Variants in MPP2 observed in about 807,000 individuals in gnomAD.
MPP2 encodes MAGUK p55 scaffold protein 2.
In MPP2, 42 loss-of-function variants were observed where a neutral mutation model predicts 58.5. That is an observed-to-expected ratio of 0.72 (90% CI 0.56 to 0.93). The LOEUF is 0.93. Among genes scored for constraint, MPP2 ranks in the 40% least tolerant of loss-of-function variants. The pLI is 0.00. For synonymous variants in MPP2, 300 were observed against 307.8 expected, an observed-to-expected ratio of 0.97 and a Z score of 0.26; for missense variants, 632 against 760.4, an observed-to-expected ratio of 0.83 and a Z score of 1.99.
At position 43,896,381 on chromosome 17, in the gene MPP2, T is replaced by C. The variant is rs12601402; in HGVS notation, c.150+1881A>G. 1.8e-4 allele frequency among the ~76,000 whole-genome samples: 27 copies of C among 152,198 alleles called. No homozygotes were observed. The East Asian group carries it at 4.8e-3, about 27-fold the overall frequency. On this transcript the variant is annotated intron_variant, in intron 3 of 12. Transcript: ENST00000269095. ...CCACCCTACATTATCATGGCATCCC[T>C]AGAACTGTCCTCCTTGGAAAACTTT...
chr17:43,904,558 G>C, intron 1 of MPP2, 65 bp from the exon 2 acceptor site: 1 of 1,441,204 alleles, frequency 6.9e-7, no homozygotes, highest in Non-Finnish European at 9.7e-7. Flanking sequence ...GGAATAGGAA[G>C]AGCCTCCCCT....
chr17:43,900,479 T>C (rs1308883903), intron 2 of MPP2: 19 of 1,524,370 alleles, frequency 1.2e-5, no homozygotes, highest in Non-Finnish European at 1.6e-5. Context: ...ACCTTCCCTC[T>C]GGAGCTCCGC....
At chr17:43,909,259 T>G (rs1278671109), upstream of MPP2, among the ~76,000 whole-genome samples, 2 of 151,986 alleles carry the variant, frequency 1.3e-5, no homozygotes, top group Non-Finnish European at 1.5e-5. Context: ...AGAGACAGGG[T>G]TTCTCCATGT....
chr17:43,878,979 G>A (rs1008544746), intron 12 of MPP2, among the ~76,000 whole-genome samples: 4 of 152,164 alleles, frequency 2.6e-5, no homozygotes, highest in African/African-American at 9.7e-5. Context: ...TTGCCCTCGG[G>A]AACTCTCTCT....
At chr17:43,889,805 G>GTTTTTTTTTTTT (rs869131021) in intron 3 of MPP2, among the ~76,000 whole-genome samples, 8 of 37,920 alleles carry the variant, frequency 2.1e-4, no homozygotes, top group African/African-American at 4.1e-4. Context: ...GTCCAAATGC[G>GTTTTTTTTTTTT]TTTTTTTTTT....
chr17:43,902,291 C>T (rs73304625), intron 2 of MPP2, among the ~76,000 whole-genome samples: 2,109 of 152,282 alleles, frequency 0.014, 56 homozygotes, highest in African/African-American at 0.048. Context: ...CATCCTCCCC[C>T]ACCACGCCCC....
At chr17:43,897,337 T>G (rs1179579729) in intron 3 of MPP2, among the ~76,000 whole-genome samples, 1 of 151,974 alleles carries the variant, frequency 6.6e-6, no homozygotes, top group Non-Finnish European at 1.5e-5. Context: ...CAAAATTAGC[T>G]GGGCGTGGTG....
At chr17:43,893,577 G>A (rs903858587) in intron 3 of MPP2, among the ~76,000 whole-genome samples, 1 of 152,202 alleles carries the variant, frequency 6.6e-6, no homozygotes, top group Non-Finnish European at 1.5e-5. Flanking sequence ...AACAGCAGGA[G>A]GTGAGCAAGC....
intron 3 of MPP2, among the ~76,000 whole-genome samples, chr17:43,887,553 T>C (rs1340125482): frequency 6.6e-6 from 1 of 152,140 alleles, no homozygotes; most frequent in Non-Finnish European, 1.5e-5. Flanking sequence ...TAGAGATCTC[T>C]GATCCGCTTG....
rs1041409879 is a variant in MPP2, at chr17:43,875,786, G to C, written c.*2021C>G. 6.6e-6 allele frequency: 1 copy of C among 152,220 alleles called. No homozygotes were observed. The highest frequency in any genetic ancestry group is 1.5e-5 in the Non-Finnish European group (1 of 68,048). The allele number at this position is 152,220 out of a possible 1,614,324, so 9.4% of individuals were successfully genotyped here. ...AGCAGTGAAGGTGCCATGAAGGCCA[G>C]GTACCCAACCCATCTCCATCAGAGA... On this transcript the variant is annotated 3_prime_UTR_variant, in exon 13 of 13. Coordinates refer to ENST00000269095, the MANE Select transcript of MPP2 (RefSeq NM_005374.5).
rs921921865 is a variant in MPP2, at chr17:43,907,479, C to T, written c.-39G>A. ...GGGGGCCGGGGGACGCCTACCTGCG[C>T]CCCGGGAAGCCCCTAGCTCCGGGCG... On this transcript the variant is annotated 5_prime_UTR_variant, in exon 1 of 13. Coordinates refer to ENST00000269095, the MANE Select transcript of MPP2 (RefSeq NM_005374.5). 1 of 985,542 alleles carries T rather than the reference C, an allele frequency of 1.0e-6. No individual in the cohort carries two copies. Among genetic ancestry groups the T allele is most frequent in the African/African-American group, 1.7e-5 (1 of 57,376 alleles). The allele number at this position is 985,542 out of a possible 1,614,324, so 61.0% of individuals were successfully genotyped here. A position where few individuals can be genotyped will look rare whatever the true frequency, so the allele number is the denominator to read the frequency against.
chr17:43,907,762 C>T (rs1326415229), upstream of MPP2: 1 of 985,420 alleles, frequency 1.0e-6, no homozygotes, highest in East Asian at 1.1e-4. Context: ...GGAGGCAGGA[C>T]TGGTACCAGT....
intron 6 of MPP2, among the ~76,000 whole-genome samples, chr17:43,881,825 G>A (rs2047138287): frequency 6.6e-6 from 1 of 152,138 alleles, no homozygotes; most frequent in African/African-American, 2.4e-5. Context: ...GTAGGGCACA[G>A]GACCCTGGCA....
chr17:43,882,242 G>C, intron 6 of MPP2, 42 bp downstream of exon 6: 2 of 1,549,050 alleles, frequency 1.3e-6, no homozygotes, highest in South Asian at 2.3e-5. Flanking sequence ...CAGCCAGGAG[G>C]CTCAGCCATC....
chr17:43,879,670 CA>C lies in MPP2; in HGVS notation c.1353+111del. On this transcript the variant is annotated intron_variant, in intron 11 of 12. Transcript: ENST00000269095. The surrounding 1 kb of genome is among the most constrained non-coding windows in gnomAD (Gnocchi z 4.1). ...CTGGGTTTCTAGCAGTAGTTGAGGGCAAAGGGGGTACATGGGCGTGTTCAGG... is the reference window on the plus strand; with the variant it reads ...CTGGGTTTCTAGCAGTAGTTGAGGGCAAGGGGGTACATGGGCGTGTTCAGG... 7.8e-7 allele frequency: 1 copy of C among 1,281,668 alleles called. No individual in the cohort carries two copies. The allele number at this position is 1,281,668 out of a possible 1,614,324, so 79.4% of individuals were successfully genotyped here.
Position 43,907,518 on chromosome 17 carries a change from C to A in MPP2, c.-78G>T. On this transcript the variant is annotated 5_prime_UTR_variant, in exon 1 of 13. Coordinates refer to ENST00000269095, the MANE Select transcript of MPP2 (RefSeq NM_005374.5). ...TAGCTCCGGGCGGCTCCAGCGCAGC[C>A]GGGCGCTCAGCGTTTATTGCTTGTC... 1.0e-6 allele frequency: 1 copy of A among 985,530 alleles called. No homozygotes were observed. Among genetic ancestry groups the A allele is most frequent in the Non-Finnish European group, 1.2e-6 (1 of 829,974 alleles). The allele number at this position is 985,530 out of a possible 1,614,324, so 61.0% of individuals were successfully genotyped here. A position where few individuals can be genotyped will look rare whatever the true frequency, so the allele number is the denominator to read the frequency against.
At chr17:43,887,241 G>A (rs1431777730) in intron 3 of MPP2, among the ~76,000 whole-genome samples, 1 of 151,946 alleles carries the variant, frequency 6.6e-6, no homozygotes, top group Admixed American at 6.6e-5. Context: ...TTTAATGCAT[G>A]GTGGCATGCA....
intron 2 of MPP2, among the ~76,000 whole-genome samples, chr17:43,902,416 G>A (rs1320340037): frequency 6.6e-6 from 1 of 152,190 alleles, no homozygotes; most frequent in Non-Finnish European, 1.5e-5. Context: ...AGGCCATTAA[G>A]CACAGGCTCA....
intron 2 of MPP2, chr17:43,901,381 G>C: frequency 1.0e-6 from 1 of 985,484 alleles, no homozygotes; most frequent in Non-Finnish European, 1.2e-6. Context: ...AGGCATCTTG[G>C]AACTCAGTTC....
Sources: gnomAD v4.1 joint callset for allele counts (sites outside exome capture counted in the v4.1 genomes callset) on GRCh38, gnomAD v4.1.1 for gene constraint, Gnocchi (gnomAD v3.1) non-coding constraint, MANE v1.5 for transcripts, NCBI Gene and HGNC (gene_info 2026-07-23, HGNC 2026-07-21) for gene names.